Variants in DYM observed in about 807,000 individuals in gnomAD.
The protein encoded by DYM is dymeclin.
A neutral mutation model predicts 93.1 loss-of-function variants in DYM; 78 were observed. That is an observed-to-expected ratio of 0.84 (90% confidence interval 0.70 to 1.01). The LOEUF (loss-of-function observed/expected upper bound fraction) is 1.01, where lower values mean the gene tolerates loss of function less well. Among genes scored for constraint, DYM ranks in the 50% least tolerant of loss-of-function variants. The probability of loss-of-function intolerance (pLI) is 0.00; values close to 1 mark genes in which losing one functional copy is unlikely to be tolerated. For synonymous variants in DYM, 321 were observed against 319.7 expected (o/e 1.00, Z -0.04); for missense variants, 789 against 845.0 (o/e 0.93, Z 0.82).
At chr18:49,372,084 GT>G (rs766726372) in intron 5 of DYM, among the ~76,000 whole-genome samples, 3 of 152,156 alleles carry the variant, frequency 2.0e-5, no homozygotes, top group Non-Finnish European at 2.9e-5. Flanking sequence ...CTCTACTTTT[GT>G]AAATTCGACC....
Position 49,206,003 on chromosome 18 carries a change from G to GTTTTGTTTTT in DYM, c.1625+3547_1625+3548insAAAAACAAAA, listed in dbSNP as rs1555800110. On this transcript the variant is annotated intron_variant, in intron 14 of 17. Transcript: ENST00000675505. Reference sequence around the variant, plus strand: ...TTGACTAAGGTAGAGTTTTTTTTTTGTTTTTTTGTTTTTTGCGGAGTCTTG... The same window carrying GTTTTGTTTTT: ...TTGACTAAGGTAGAGTTTTTTTTTTGTTTTGTTTTTTTTTTTTGTTTTTTGCGGAGTCTTG... 1.1e-4 allele frequency: 16 copies of GTTTTGTTTTT among 142,830 alleles called. No individual in the cohort carries two copies. In the East Asian group the frequency reaches 2.6e-3, roughly 23 times the overall value. 8.8% of individuals were successfully genotyped at this position (142,830 alleles called of 1,614,324 possible). A position where few individuals can be genotyped will look rare whatever the true frequency, so the allele number is the denominator to read the frequency against.
At chr18:49,156,177 A>G (rs1439416881) in intron 15 of DYM, among the ~76,000 whole-genome samples, 1 of 152,202 alleles carries the variant, frequency 6.6e-6, no homozygotes, top group Non-Finnish European at 1.5e-5. Flanking sequence ...CTAATTGGCC[A>G]CTTTTTATAT....
intron 14 of DYM, among the ~76,000 whole-genome samples, chr18:49,164,091 A>T (rs12232591): frequency 9.2e-5 from 14 of 151,896 alleles, no homozygotes; most frequent in Admixed American, 9.2e-4. Context: ...CAAAAACCTG[A>T]GATGTAGACT....
intron 2 of DYM, among the ~76,000 whole-genome samples, chr18:49,395,729 T>C (rs1568373045): frequency 6.6e-6 from 1 of 151,848 alleles, no homozygotes; most frequent in Admixed American, 6.6e-5. Flanking sequence ...CAATGAGATA[T>C]CACATCACCC....
chr18:49,071,848 C>A (rs541267790), intron 17 of DYM, among the ~76,000 whole-genome samples: 1 of 152,160 alleles, frequency 6.6e-6, no homozygotes, highest in East Asian at 1.9e-4. Flanking sequence ...CCATGTATAG[C>A]GTCTTGTCAT....
chr18:49,402,634 A>C (rs947007080), intron 2 of DYM, among the ~76,000 whole-genome samples: 11 of 152,236 alleles, frequency 7.2e-5, no homozygotes, highest in Non-Finnish European at 1.2e-4. Context: ...CACTAAAATT[A>C]TAGACCAAAT....
chr18:49,408,793 G>C (rs962488017), intron 2 of DYM, among the ~76,000 whole-genome samples: 8 of 152,136 alleles, frequency 5.3e-5, no homozygotes, highest in Admixed American at 6.5e-5. Flanking sequence ...AAATTCTTTA[G>C]CTGTCCCAGG....
At position 49,292,592 on chromosome 18, in the gene DYM, GAAAAAAAAAAA is replaced by G. The variant is rs72415237; in HGVS notation, c.764-5987_764-5977del. On this transcript the variant is annotated intron_variant, in intron 8 of 17. Transcript: ENST00000675505. ...TTAGTGGAATTGCATTTTCCTGTTG[GAAAAAAAAAAA>G]AAAAAAAAAAAAAAAAAAAAAACCC... Among the ~76,000 whole-genome samples, 49 of 78,784 alleles carry G rather than the reference GAAAAAAAAAAA, an allele frequency of 6.2e-4. 1 individual carries two copies. The East Asian group carries it at 0.011, about 17-fold the overall frequency. The allele number at this position is 78,784 out of a possible 152,430, so 51.7% of individuals were successfully genotyped here. A position where few individuals can be genotyped will look rare whatever the true frequency, so the allele number is the denominator to read the frequency against.
rs75491227 is a variant in DYM, at chr18:49,438,998, C to A, written c.-53-8551G>T. ...AAGAGTCCTACTGCCTTTGCCCTCACTGGGCATCATTAGACTCCCTTGGCT... is the reference window on the plus strand; with the variant it reads ...AAGAGTCCTACTGCCTTTGCCCTCAATGGGCATCATTAGACTCCCTTGGCT... On this transcript the variant is annotated intron_variant, in intron 1 of 17. Coordinates refer to ENST00000675505, the MANE Select transcript of DYM (RefSeq NM_001353214.3). Among the ~76,000 whole-genome samples, 482 of 152,314 alleles carry A rather than the reference C, an allele frequency of 3.2e-3. 3 individuals carry two copies. The highest frequency in any genetic ancestry group is 0.011 in the African/African-American group (468 of 41,572).
At chr18:49,082,275 C>T (rs1284384075) in intron 17 of DYM, among the ~76,000 whole-genome samples, 1 of 152,258 alleles carries the variant, frequency 6.6e-6, no homozygotes, top group Non-Finnish European at 1.5e-5. Flanking sequence ...GTTTCCTCTC[C>T]TCTAAATGAG....
chr18:49,074,121 C>T lies in DYM; in HGVS notation c.2025+23281G>A, dbSNP rs138475071. ...CACAGCTTATAAATAAAAAGCAAAA[C>T]TAAATTTACACAGTTGGCTCTCTGT... On this transcript the variant is annotated intron_variant, in intron 17 of 17. Coordinates refer to ENST00000675505, the MANE Select transcript of DYM (RefSeq NM_001353214.3). 1.9e-3 allele frequency among the ~76,000 whole-genome samples: 283 copies of T among 152,274 alleles called. 5 individuals are homozygous for T. Among genetic ancestry groups the T allele is most frequent in the East Asian group, 8.9e-3 (46 of 5,180 alleles).
At chr18:49,419,353 T>C (rs2073372721) in intron 2 of DYM, among the ~76,000 whole-genome samples, 1 of 151,990 alleles carries the variant, frequency 6.6e-6, no homozygotes. Context: ...AGCAAGACTC[T>C]GTCTCAAAAA....
chr18:49,057,484 C>T lies in DYM; in HGVS notation c.2026-13280G>A, dbSNP rs539094078. 3.3e-5 allele frequency among the ~76,000 whole-genome samples: 5 copies of T among 152,232 alleles called. 1 individual carries two copies. In the South Asian group the frequency reaches 8.3e-4, roughly 25 times the overall value. On this transcript the variant is annotated intron_variant, in intron 17 of 17. Transcript: ENST00000675505. ...CAGGGCAAGGGAGCTGGGAGTCATG[C>T]TCATTCCCACTTGCCCCATATGTTA...
At chr18:49,276,504 T>G (rs1386906143) in intron 10 of DYM, among the ~76,000 whole-genome samples, 1 of 152,134 alleles carries the variant, frequency 6.6e-6, no homozygotes, top group African/African-American at 2.4e-5. Context: ...GAAAAACTAC[T>G]AGGAGTTATC....
chr18:49,260,280 G>GC (rs2094469155), intron 11 of DYM, among the ~76,000 whole-genome samples: 1 of 152,202 alleles, frequency 6.6e-6, no homozygotes, highest in African/African-American at 2.4e-5. Context: ...TACTCTGGAG[G>GC]CAGAGGCATG....
At chr18:49,276,227 A>C (rs1011017488) in intron 10 of DYM, among the ~76,000 whole-genome samples, 138 of 152,256 alleles carry the variant, frequency 9.1e-4, no homozygotes, top group African/African-American at 3.2e-3. Context: ...CCCTTTACTC[A>C]TCTAAGGAAG....
intron 13 of DYM, among the ~76,000 whole-genome samples, chr18:49,248,802 G>C (rs76504357): frequency 0.015 from 2,300 of 151,986 alleles, 56 homozygotes; most frequent in African/African-American, 0.052. Context: ...ATTGTCTCAG[G>C]CTAAAAGACA....
chr18:49,190,815 G>A (rs1391816054), intron 14 of DYM, among the ~76,000 whole-genome samples: 1 of 152,126 alleles, frequency 6.6e-6, no homozygotes, highest in Admixed American at 6.5e-5. Flanking sequence ...CCTATTCAGT[G>A]TGAAGACAGG....
intron 2 of DYM, among the ~76,000 whole-genome samples, chr18:49,407,371 G>A (rs113116385): frequency 1.3e-5 from 2 of 152,104 alleles, no homozygotes; most frequent in African/African-American, 2.4e-5. Context: ...AAGGAATACC[G>A]GAGCCTGAGT....
Sources: allele counts gnomAD v4.1 joint callset (sites outside exome capture counted in the v4.1 genomes callset), GRCh38; gene constraint gnomAD v4.1.1; transcripts MANE v1.5; gene names NCBI Gene and HGNC (gene_info 2026-07-23, HGNC 2026-07-21).